Variants in FSD1 observed in about 807,000 individuals in gnomAD.
FSD1 encodes fibronectin type III and SPRY domain-containing protein 1.
A neutral mutation model predicts 58.2 loss-of-function variants in FSD1; 23 were observed. That is an observed-to-expected ratio of 0.40 (90% CI 0.28 to 0.56). The LOEUF (loss-of-function observed/expected upper bound fraction) is 0.56, where lower values mean the gene tolerates loss of function less well. FSD1 is among the 20% of genes least tolerant of loss of function. The pLI, the probability that FSD1 is intolerant of heterozygous loss-of-function variation, is 0.54. For missense variants in FSD1, 563 were observed against 670.8 expected (o/e 0.84, Z 1.78); for synonymous variants, 265 against 263.4 (o/e 1.01, Z -0.06).
chr19:4,310,015 G>C (rs931510769), intron 4 of FSD1, among the ~76,000 whole-genome samples: 1 of 151,790 alleles, frequency 6.6e-6, no homozygotes, highest in Non-Finnish European at 1.5e-5. Context: ...ATCACCTGAG[G>C]TCAGGAGTTT....
intron 10 of FSD1, among the ~76,000 whole-genome samples, chr19:4,320,095 C>T (rs935049040): frequency 2.6e-5 from 4 of 152,028 alleles, no homozygotes; most frequent in Non-Finnish European, 5.9e-5. Flanking sequence ...TTGAGGAACA[C>T]CTGGATTCCA....
At position 4,317,200 on chromosome 19, in the gene FSD1, A is replaced by G; in HGVS notation, c.719A>G (p.Lys240Arg). 6.2e-7 allele frequency: 1 copy of G among 1,610,838 alleles called. No individual in the cohort carries two copies. ...CTACCAGGTCTCAAGTTTGACATGAAATACATGAACTTCCGTGTGAAGGCC... is the reference window on the plus strand; with the variant it reads ...CTACCAGGTCTCAAGTTTGACATGAGATACATGAACTTCCGTGTGAAGGCC... ...YTLTGLKFDM[K>R]YMNFRVKACN... Residue 240 changes from lysine to arginine, a missense_variant, in exon 8 of 13, where the codon AAA (lysine) becomes AGA (arginine). Transcript: ENST00000221856.
At position 4,310,273 on chromosome 19, in the gene FSD1, G is replaced by T; in HGVS notation, c.346G>T (p.Ala116Ser). The part of the protein sequence containing the change: ...QAMDSEDFPQ[A>S]AKQIKDGVTM... ...AATGTTGTTCTGTTCCTCTCTCTAG[G>T]CTGCCAAGCAAATCAAAGATGGGTA... is the stretch of plus-strand genomic sequence containing the variant. Residue 116 changes from alanine (A) to serine (S), a missense_variant and splice_region_variant, in exon 5 of 13, where the codon GCT becomes TCT. Ala to Ser is a moderately conservative substitution (Grantham distance 99). Coordinates refer to ENST00000221856, the MANE Select transcript of FSD1 (RefSeq NM_024333.3). The T allele has an allele frequency of 1.2e-6, 2 of 1,614,160 alleles. No homozygotes were observed. Among genetic ancestry groups the T allele is most frequent in the South Asian group, 1.1e-5 (1 of 91,088 alleles).
chr19:4,315,925 AG>A (rs1386611468), intron 7 of FSD1, among the ~76,000 whole-genome samples: 2 of 150,418 alleles, frequency 1.3e-5, no homozygotes, highest in Non-Finnish European at 3.0e-5. Context: ...CACCGCGCCT[AG>A]CCAGTTTTTT....
chr19:4,317,757 G>A (rs1409292402), intron 8 of FSD1, among the ~76,000 whole-genome samples: 1 of 152,186 alleles, frequency 6.6e-6, no homozygotes, highest in Non-Finnish European at 1.5e-5. Flanking sequence ...AGTGGCTCAC[G>A]CCTGTGATCC....
chr19:4,305,617 G>A (rs931298852), intron 1 of FSD1, among the ~76,000 whole-genome samples: 1 of 152,204 alleles, frequency 6.6e-6, no homozygotes, highest in African/African-American at 2.4e-5. Context: ...ATATGGGGTA[G>A]CTTAGGGCGC....
In FSD1 at chr19:4,311,921, T is replaced by G; in HGVS notation, c.570T>G (p.Asp190Glu). The G allele has an allele frequency of 6.2e-7, 1 of 1,614,092 alleles. No individual in the cohort carries two copies. ...TGACCCTGGTGTGGCGCATGCCGGA[T>G]GAGGACAGCAAGATTGACCACTACG... ...NCVTLVWRMP[D>E]EDSKIDHYVL... Residue 190 changes from aspartate (D) to glutamate (E), a missense_variant, in exon 7 of 13, where the codon GAT becomes GAG. Asp to Glu is a conservative substitution (Grantham distance 45). Coordinates refer to ENST00000221856, the MANE Select transcript of FSD1 (RefSeq NM_024333.3).
At position 4,318,439 on chromosome 19, in the gene FSD1, A is replaced by G. The variant is rs1387264849; in HGVS notation, c.893A>G (p.Gln298Arg). The G allele has an allele frequency of 6.2e-7, 1 of 1,613,732 alleles. No individual in the cohort carries two copies. Among genetic ancestry groups the G allele is most frequent in the Non-Finnish European group, 8.5e-7 (1 of 1,179,968 alleles). Residue 298 changes from glutamine (Q) to arginine (R), a missense_variant, in exon 9 of 13, where the codon CAG becomes CGG. By Grantham distance (43) the Gln-to-Arg change is conservative. Coordinates refer to ENST00000221856, the MANE Select transcript of FSD1 (RefSeq NM_024333.3). ...TGGGACGCTATGGGCGGGAAGGTGC[A>G]GGATATCAAGGCTCGCGAGAAAGAT... is the stretch of plus-strand genomic sequence containing the variant. ...VEWDAMGGKV[Q>R]DIKAREKDGK...
chr19:4,314,027 CAAAA>C (rs986737274), intron 7 of FSD1, among the ~76,000 whole-genome samples: 8 of 105,506 alleles, frequency 7.6e-5, no homozygotes, highest in Non-Finnish European at 1.4e-4. Flanking sequence ...GACTCCGTCT[CAAAA>C]AAAAAAAAGA....
At position 4,306,297 on chromosome 19, in the gene FSD1, C is replaced by G; in HGVS notation, c.211C>G (p.Gln71Glu). 1 of 1,614,100 alleles carries G rather than the reference C, an allele frequency of 6.2e-7. No individual in the cohort carries two copies. Residue 71 changes from glutamine to glutamate, a missense_variant, in exon 3 of 13, where the codon CAG becomes GAG. Coordinates refer to ENST00000221856, the MANE Select transcript of FSD1 (RefSeq NM_024333.3). ...AGAAGGCATGCTTATGAAGATAAAA[C>G]AGGACCGTGCCAGCCGTACCTACGA... Reference protein sequence around the residue: ...LKEGMLMKIKQDRASRTYELQ... With the variant: ...LKEGMLMKIKEDRASRTYELQ...
intron 7 of FSD1, among the ~76,000 whole-genome samples, chr19:4,316,620 A>T (rs1226080671): frequency 2.0e-5 from 3 of 151,786 alleles, no homozygotes; most frequent in African/African-American, 4.8e-5. Context: ...TCTCTGAAAC[A>T]ATCACTGTGA....
rs752762785 is a variant in FSD1 at position 4,306,290 on chromosome 19, G to A, written c.204G>A (p.Lys68=). The A allele has an allele frequency of 1.9e-6, 3 of 1,614,096 alleles. No individual in the cohort carries two copies. The highest frequency in any genetic ancestry group is 1.1e-5 in the South Asian group (1 of 91,086). The change falls in exon 3 of 13, where the codon AAG becomes AAA. Residue 68 remains lysine, a synonymous_variant. Transcript: ENST00000221856. ...LEELKEGMLM[K]IKQDRASRTY... is the part of the protein sequence containing the mutation. ...AGCTGAAAGAAGGCATGCTTATGAA[G>A]ATAAAACAGGACCGTGCCAGCCGTA... is the stretch of plus-strand genomic sequence containing the variant.
At position 4,323,669 on chromosome 19, in the gene FSD1, G is replaced by C. The variant is rs1283669721; in HGVS notation, c.*26G>C. 1 of 1,550,312 alleles carries C rather than the reference G, an allele frequency of 6.5e-7. No individual in the cohort carries two copies. Among genetic ancestry groups the C allele is most frequent in the Admixed American group, 1.7e-5 (1 of 57,370 alleles). ...GCCCCCAGGCACCCACCCAGCTGGGGTGTTTTTGGGGGAGTCGCCGCCAAG... is the reference window on the plus strand; with the variant it reads ...GCCCCCAGGCACCCACCCAGCTGGGCTGTTTTTGGGGGAGTCGCCGCCAAG... On this transcript the variant is annotated 3_prime_UTR_variant, in exon 13 of 13. Transcript: ENST00000221856. The surrounding 1 kb of genome is among the most constrained non-coding windows in gnomAD (Gnocchi z 7.7).
At chr19:4,308,897 AACCCCGTCTCTACTAAATAT>A (rs1196966168) in intron 4 of FSD1, among the ~76,000 whole-genome samples, 1 of 148,132 alleles carries the variant, frequency 6.8e-6, no homozygotes, top group Non-Finnish European at 1.5e-5. Flanking sequence ...AGGACGGTGA[AACCCCGTCTCTACTAAATAT>A]ACAAAAAGTT....
chr19:4,318,942 A>G lies in FSD1; in HGVS notation c.1030A>G (p.Thr344Ala). The G allele has an allele frequency of 4.3e-6, 7 of 1,613,266 alleles. No homozygotes were observed. Among genetic ancestry groups the G allele is most frequent in the Non-Finnish European group, 5.9e-6 (7 of 1,179,624 alleles). ...GRDRFTAESYTVLGDTLIDGG... is the reference protein window; with the variant it reads ...GRDRFTAESYAVLGDTLIDGG... ...GGACCGCTTCACCGCTGAGTCCTAC[A>G]CAGTTCTGGGTAAGGAAGGGGAGAA... Residue 344 changes from threonine (T) to alanine (A), a missense_variant, in exon 10 of 13, where the codon ACA (threonine) becomes GCA (alanine). Physicochemically the swap from Thr to Ala is moderately conservative, Grantham distance 58. Coordinates refer to ENST00000221856, the MANE Select transcript of FSD1 (RefSeq NM_024333.3).
intron 7 of FSD1, among the ~76,000 whole-genome samples, chr19:4,316,376 C>G (rs537265717): frequency 2.7e-4 from 41 of 151,664 alleles, no homozygotes; most frequent in African/African-American, 9.9e-4. Flanking sequence ...CGCCACCCCC[C>G]GCCCCCACCA....
intron 4 of FSD1, among the ~76,000 whole-genome samples, chr19:4,308,823 A>ACT (rs1349401794): frequency 2.0e-5 from 3 of 151,244 alleles, no homozygotes; most frequent in African/African-American, 7.3e-5. Flanking sequence ...GCGCCACCGC[A>ACT]CTCCAGCCTG....
Position 4,317,217 on chromosome 19 carries a change from G to A in FSD1, c.736G>A (p.Val246Met). ...KFDMKYMNFR[V>M]KACNKAVAGE... ...TGACATGAAATACATGAACTTCCGTGTGAAGGCCTGTAACAAGGCAGTTGC... is the reference window on the plus strand; with the variant it reads ...TGACATGAAATACATGAACTTCCGTATGAAGGCCTGTAACAAGGCAGTTGC... Residue 246 changes from valine to methionine, a missense_variant, in exon 8 of 13, where the codon GTG becomes ATG. Transcript: ENST00000221856. The A allele has an allele frequency of 6.2e-7, 1 of 1,613,170 alleles. No individual in the cohort carries two copies. The highest frequency in any genetic ancestry group is 1.3e-5 in the African/African-American group (1 of 75,022).
At chr19:4,309,052 G>A (rs535831535) in intron 4 of FSD1, among the ~76,000 whole-genome samples, 50 of 152,228 alleles carry the variant, frequency 3.3e-4, no homozygotes, top group African/African-American at 1.2e-3. Flanking sequence ...TCCAGCCTAG[G>A]TGACAGAGCA....
Sources: allele counts gnomAD v4.1 joint callset (sites outside exome capture counted in the v4.1 genomes callset), GRCh38; gene constraint gnomAD v4.1.1; non-coding constraint Gnocchi (gnomAD v3.1); transcripts MANE v1.5; gene names NCBI Gene and HGNC (gene_info 2026-07-23, HGNC 2026-07-21).